GBF1: variants seen among roughly 807,000 people sequenced by gnomAD.
GBF1 encodes golgi brefeldin A resistant guanine nucleotide exchange factor 1.
In GBF1, 114 loss-of-function variants were observed where a neutral mutation model predicts 210.5. The ratio of observed to expected loss-of-function variants is 0.54; its 90% CI spans 0.47 to 0.63. The LOEUF (loss-of-function observed/expected upper bound fraction) is 0.63. Ranked by LOEUF, GBF1 falls within the 30% of genes least tolerant of loss-of-function variation. The probability of loss-of-function intolerance (pLI) is 0.00; values close to 1 mark genes in which losing one functional copy is unlikely to be tolerated. For synonymous variants in GBF1, 850 were observed against 889.2 expected (o/e 0.96, Z 0.78); for missense variants, 1,851 against 2,357.7 (o/e 0.79, Z 4.45).
chr10:102,314,509 C>T (rs1193843689), intron 3 of GBF1, among the ~76,000 whole-genome samples: 6 of 152,094 alleles, frequency 3.9e-5, no homozygotes, highest in African/African-American at 7.2e-5. Flanking sequence ...TTAAGAGTAA[C>T]GGTTCAAATG....
In GBF1 at chr10:102,382,491, C is replaced by T; in HGVS notation, c.*155C>T. The T allele has an allele frequency of 1.6e-6, 1 of 621,240 alleles. No individual in the cohort carries two copies. The highest frequency in any genetic ancestry group is 2.1e-5 in the South Asian group (1 of 46,788). 38.5% of individuals were successfully genotyped at this position (621,240 alleles called of 1,614,324 possible). A position where few individuals can be genotyped will look rare whatever the true frequency, so the allele number is the denominator to read the frequency against. On this transcript the variant is annotated 3_prime_UTR_variant, in exon 40 of 40. Transcript: ENST00000369983. The stretch of plus-strand genomic sequence containing the variant: ...CCTGAAAAAGAGAATGTTGATAGCC[C>T]CAGCTAAGACCCCCAATCAGCTGTG...
At chr10:102,380,441 C>T (rs2060775356) in intron 37 of GBF1, 65 bp from the exon 38 acceptor site, 4 of 1,583,988 alleles carry the variant, frequency 2.5e-6, no homozygotes, top group African/African-American at 1.3e-5. Context: ...TTGGTAGCTA[C>T]CTCCCTTTAC....
intron 30 of GBF1, among the ~76,000 whole-genome samples, chr10:102,375,801 C>T (rs893246704): frequency 4.6e-5 from 7 of 152,052 alleles, no homozygotes; most frequent in African/African-American, 1.7e-4. Context: ...AGCCAGGCTT[C>T]CTACTGTCCT....
intron 1 of GBF1, among the ~76,000 whole-genome samples, 175 bp from the exon 2 acceptor site, chr10:102,258,754 A>G: frequency 6.7e-6 from 1 of 150,300 alleles, no homozygotes; most frequent in Non-Finnish European, 1.5e-5. Context: ...AGCCTGGGCA[A>G]CAAGAGTGAA....
intron 4 of GBF1, among the ~76,000 whole-genome samples, chr10:102,349,175 A>AT: frequency 6.6e-6 from 1 of 152,082 alleles, no homozygotes. Context: ...GAAAAAAAAA[A>AT]GTTTAGGTTC....
intron 21 of GBF1, 30 bp from the exon 22 acceptor site, chr10:102,368,188 G>A: frequency 7.0e-7 from 1 of 1,436,824 alleles, no homozygotes; most frequent in South Asian, 1.1e-5. Flanking sequence ...TCAAAGCAGT[G>A]CAACTGCTCC....
At chr10:102,238,040 A>G in the GBF1 span, among the ~76,000 whole-genome samples, 1 of 152,192 alleles carries the variant, frequency 6.6e-6, no homozygotes, top group Non-Finnish European at 1.5e-5. Flanking sequence ...AGGAGAAACT[A>G]TTAACTGAAA....
chr10:102,292,141 G>A (rs562668970), intron 3 of GBF1, among the ~76,000 whole-genome samples: 3 of 151,834 alleles, frequency 2.0e-5, no homozygotes, highest in South Asian at 2.1e-4. Flanking sequence ...TGCCCGCCTC[G>A]GCCTCCCAAA....
intron 3 of GBF1, among the ~76,000 whole-genome samples, chr10:102,287,002 A>G (rs2076006034): frequency 6.6e-6 from 1 of 152,096 alleles, no homozygotes; most frequent in East Asian, 1.9e-4. Context: ...GACAAGCCTT[A>G]GATTAGTGTT....
At chr10:102,258,893 A>G (rs1428228379) in intron 1 of GBF1, 36 bp from the exon 2 acceptor site, 1 of 1,112,216 alleles carries the variant, frequency 9.0e-7, no homozygotes, top group African/African-American at 1.5e-5. Context: ...GGGTAACCAA[A>G]TATTAACCAG....
intron 3 of GBF1, among the ~76,000 whole-genome samples, chr10:102,279,623 A>AT (rs940002670): frequency 6.6e-6 from 1 of 151,098 alleles, no homozygotes; most frequent in Non-Finnish European, 1.5e-5. Context: ...ATTTTTCTGT[A>AT]TTTTTTCCTT....
chr10:102,366,365 T>C lies in GBF1; in HGVS notation c.2310-18T>C. On this transcript the variant is annotated intron_variant, in intron 18 of 39. Coordinates refer to ENST00000369983, the MANE Select transcript of GBF1 (RefSeq NM_001377137.1). The surrounding 1 kb of genome is among the most constrained non-coding windows in gnomAD (Gnocchi z 4.0). ...AGCTTACACATTTTCAGCCTCTTCT[T>C]CCTTTCTTTCCCTATAGCACCTTCA... is the stretch of plus-strand genomic sequence containing the variant. The C allele has an allele frequency of 6.2e-7, 1 of 1,613,806 alleles. No homozygotes were observed. The highest frequency in any genetic ancestry group is 8.5e-7 in the Non-Finnish European group (1 of 1,179,764).
In GBF1 at chr10:102,296,740, C is replaced by CA. The variant is rs77875610; in HGVS notation, c.163+36638dup. Among the ~76,000 whole-genome samples, 512 of 102,842 alleles carry CA rather than the reference C, an allele frequency of 5.0e-3. 8 individuals are homozygous for CA. The highest frequency in any genetic ancestry group is 0.027 in the East Asian group (100 of 3,658). The allele number at this position is 102,842 out of a possible 152,430, so 67.5% of individuals were successfully genotyped here. ...TAGGCGACAGAGTGAGACTCTGTCT[C>CA]AAAAAAAAAAAAAAGAATTGTAGGC... is the stretch of plus-strand genomic sequence containing the variant. On this transcript the variant is annotated intron_variant, in intron 3 of 39. Transcript: ENST00000369983.
Position 102,287,793 on chromosome 10 carries a change from C to A in GBF1, c.163+27677C>A, listed in dbSNP as rs569534907. On this transcript the variant is annotated intron_variant, in intron 3 of 39. Transcript: ENST00000369983. ...AAGTAAACCTCAGGAGTAACCATCA[C>A]TCCTGCTATATTATATTAGTCACAT... Among the ~76,000 whole-genome samples the A allele has an allele frequency of 2.6e-5, 4 of 152,276 alleles. No individual in the cohort carries two copies. The South Asian group carries it at 8.3e-4, about 32-fold the overall frequency.
At chr10:102,245,360 A>T (rs1026715346), upstream of GBF1, among the ~76,000 whole-genome samples, 24 of 152,110 alleles carry the variant, frequency 1.6e-4, no homozygotes, top group African/African-American at 5.6e-4. Context: ...GTCCCCTAAC[A>T]TACCCTTTCT....
chr10:102,341,160 T>A (rs995453765), intron 3 of GBF1, among the ~76,000 whole-genome samples: 10 of 152,290 alleles, frequency 6.6e-5, no homozygotes, highest in African/African-American at 1.9e-4. Context: ...AGCAGACATG[T>A]CACCCAAAAG....
intron 4 of GBF1, 72 bp downstream of exon 4, chr10:102,344,254 G>C: frequency 7.0e-7 from 1 of 1,418,474 alleles, no homozygotes; most frequent in South Asian, 1.2e-5. Context: ...CCAGGCCTTA[G>C]GCAATGAGCT....
chr10:102,243,759 C>T (rs1215759540), upstream of GBF1, among the ~76,000 whole-genome samples: 1 of 152,138 alleles, frequency 6.6e-6, no homozygotes, highest in Non-Finnish European at 1.5e-5. Flanking sequence ...CTGGACCCAC[C>T]GACCAGAAGC....
intron 7 of GBF1, among the ~76,000 whole-genome samples, chr10:102,353,227 C>T (rs1015679794): frequency 5.3e-5 from 8 of 152,270 alleles, no homozygotes; most frequent in African/African-American, 1.9e-4. Context: ...TTCAACCTGC[C>T]TGTTAATTCT....
Sources: allele counts gnomAD v4.1 joint callset (sites outside exome capture counted in the v4.1 genomes callset), GRCh38; gene constraint gnomAD v4.1.1; non-coding constraint Gnocchi (gnomAD v3.1); transcripts MANE v1.5; gene names NCBI Gene and HGNC (gene_info 2026-07-23, HGNC 2026-07-21).